RNF216: variants seen among roughly 807,000 people sequenced by gnomAD.
RNF216 encodes E3 ubiquitin-protein ligase RNF216.
Under a neutral mutation model 110.8 loss-of-function variants are expected in RNF216, and 72 were observed. The ratio of observed to expected loss-of-function variants is 0.65; its 90% CI spans 0.54 to 0.79. The LOEUF is 0.79. Among genes scored for constraint, RNF216 ranks in the 30% least tolerant of loss-of-function variants. RNF216 has a pLI of 0.00. For synonymous variants in RNF216, 495 were observed against 407.5 expected, an observed-to-expected ratio of 1.21 and a Z score of -2.59; for missense variants, 1,342 against 1,141.2, an observed-to-expected ratio of 1.18 and a Z score of -2.54.
chr7:5,623,305 T>G (rs1786506756), intron 16 of RNF216, 126 bp from the exon 17 acceptor site: 1 of 740,294 alleles, frequency 1.4e-6, no homozygotes, highest in Non-Finnish European at 2.1e-6. Flanking sequence ...GCACAAAACG[T>G]GGACACCTCC....
chr7:5,763,853 G>A (rs1796058765), intron 1 of RNF216, among the ~76,000 whole-genome samples: 1 of 152,138 alleles, frequency 6.6e-6, no homozygotes, highest in South Asian at 2.1e-4. Context: ...GATTACAGGT[G>A]TGAACCACCA....
At chr7:5,665,852 T>C (rs1395962445) in intron 13 of RNF216, among the ~76,000 whole-genome samples, 3 of 151,626 alleles carry the variant, frequency 2.0e-5, no homozygotes, top group Admixed American at 1.3e-4. Context: ...AATGGCATCA[T>C]GTGGACATTT....
intron 1 of RNF216, chr7:5,777,625 G>A (rs1342704343): frequency 6.6e-6 from 1 of 152,250 alleles, no homozygotes; most frequent in Non-Finnish European, 1.5e-5. Flanking sequence ...ACAGGATGGT[G>A]ATGCTATTAA....
intron 13 of RNF216, among the ~76,000 whole-genome samples, chr7:5,664,472 T>A (rs1789374361): frequency 6.6e-6 from 1 of 152,250 alleles, no homozygotes; most frequent in Non-Finnish European, 1.5e-5. Flanking sequence ...TCAATTAGGA[T>A]GTTCTTTGTT....
At chr7:5,669,620 C>T (rs906006924) in intron 13 of RNF216, among the ~76,000 whole-genome samples, 2 of 152,158 alleles carry the variant, frequency 1.3e-5, no homozygotes, top group African/African-American at 4.8e-5. Flanking sequence ...TGGCCAGGTG[C>T]AGTGGTTCAC....
At chr7:5,742,857 A>C (rs1794839713) in intron 3 of RNF216, among the ~76,000 whole-genome samples, 1 of 151,988 alleles carries the variant, frequency 6.6e-6, no homozygotes, top group Non-Finnish European at 1.5e-5. Context: ...CAGCCTCCCA[A>C]AGTGCTGGGA....
At chr7:5,690,327 C>CAA (rs200036930) in intron 13 of RNF216, among the ~76,000 whole-genome samples, 9,320 of 100,244 alleles carry the variant, frequency 0.093, 1,062 homozygotes, top group African/African-American at 0.28. Context: ...AATTCCATCT[C>CAA]AAAAAAAAAA....
chr7:5,686,101 T>C (rs965203329), intron 13 of RNF216, among the ~76,000 whole-genome samples: 1 of 151,652 alleles, frequency 6.6e-6, no homozygotes, highest in Non-Finnish European at 1.5e-5. Flanking sequence ...TGCACGTCTG[T>C]AATCCCAGCT....
intron 9 of RNF216, 97 bp from the exon 10 acceptor site, chr7:5,716,863 G>T (rs1031958102): frequency 2.2e-6 from 2 of 921,742 alleles, no homozygotes; most frequent in East Asian, 4.9e-5. Context: ...CCAGTATTGC[G>T]ATCTCTTCAA....
intron 13 of RNF216, among the ~76,000 whole-genome samples, chr7:5,663,449 T>C (rs1169556256): frequency 6.6e-6 from 1 of 151,856 alleles, no homozygotes; most frequent in African/African-American, 2.4e-5. Flanking sequence ...CCAGGTGTGG[T>C]GGCGTTCGCC....
chr7:5,661,400 C>T (rs866435694), intron 13 of RNF216, among the ~76,000 whole-genome samples: 1 of 152,198 alleles, frequency 6.6e-6, no homozygotes, highest in African/African-American at 2.4e-5. Flanking sequence ...TAAATGAGAC[C>T]TGCTAGGACT....
intron 13 of RNF216, among the ~76,000 whole-genome samples, chr7:5,684,756 A>C (rs1790871258): frequency 6.6e-6 from 1 of 152,254 alleles, no homozygotes; most frequent in Non-Finnish European, 1.5e-5. Context: ...GGCACCTCAC[A>C]TATAGTTAGG....
chr7:5,663,176 C>T (rs1789261708), intron 13 of RNF216, among the ~76,000 whole-genome samples: 1 of 152,162 alleles, frequency 6.6e-6, no homozygotes, highest in Admixed American at 6.5e-5. Context: ...TTGTAATTAT[C>T]TGATTATGTC....
chr7:5,726,028 G>A (rs1027083465), intron 7 of RNF216, among the ~76,000 whole-genome samples: 1 of 152,116 alleles, frequency 6.6e-6, no homozygotes, highest in Non-Finnish European at 1.5e-5. Context: ...TGTAATCCTA[G>A]CACTGTGGGA....
At chr7:5,712,925 C>A in intron 11 of RNF216, 62 bp from the exon 12 acceptor site, 2 of 1,466,546 alleles carry the variant, frequency 1.4e-6, no homozygotes, top group Non-Finnish European at 9.3e-7. Context: ...AAATAAAAAG[C>A]GTCAGTGGTT....
At chr7:5,670,073 C>A (rs1236631262) in intron 13 of RNF216, among the ~76,000 whole-genome samples, 1 of 152,006 alleles carries the variant, frequency 6.6e-6, no homozygotes, top group Non-Finnish European at 1.5e-5. Flanking sequence ...ATTACAGGCA[C>A]GCACCACCAT....
chr7:5,713,742 A>G (rs1156738333), intron 11 of RNF216, among the ~76,000 whole-genome samples: 2 of 152,244 alleles, frequency 1.3e-5, no homozygotes, highest in East Asian at 3.8e-4. Context: ...AAGAAAACAA[A>G]TGGAAAAAGA....
chr7:5,684,065 G>A (rs527628290), intron 13 of RNF216, among the ~76,000 whole-genome samples: 1 of 150,928 alleles, frequency 6.6e-6, no homozygotes, highest in African/African-American at 2.4e-5. Context: ...CTGTGATGGT[G>A]GGACCAGTGT....
rs529812358 is a variant in RNF216 at position 5,699,544 on chromosome 7, T to C, written c.2061+12217A>G. 3.3e-5 allele frequency among the ~76,000 whole-genome samples: 5 copies of C among 152,380 alleles called. No homozygotes were observed. In the East Asian group the frequency reaches 9.6e-4, roughly 29 times the overall value. On this transcript the variant is annotated intron_variant, in intron 13 of 16. Coordinates refer to ENST00000389902, the MANE Select transcript of RNF216 (RefSeq NM_207111.4). ...GACAGAATTGAACACTAGCTTTTTG[T>C]TGTGTTCTTCACCCACTACCTCAGC...
Sources: gnomAD v4.1 joint callset for allele counts (sites outside exome capture counted in the v4.1 genomes callset) on GRCh38, gnomAD v4.1.1 for gene constraint, MANE v1.5 for transcripts, NCBI Gene and HGNC (gene_info 2026-07-23, HGNC 2026-07-21) for gene names.